MEIS2: variants seen among roughly 807,000 people sequenced by gnomAD.
The protein encoded by MEIS2 is Meis homeobox 2.
MEIS2 carries 9 observed loss-of-function variants against 58.6 expected under a neutral mutation model. The ratio of observed to expected loss-of-function variants is 0.15; its 90% CI spans 0.09 to 0.27. The LOEUF (loss-of-function observed/expected upper bound fraction) is 0.27, where lower values mean the gene tolerates loss of function less well. MEIS2 is among the 10% of genes least tolerant of loss of function. The pLI is 1.00. For missense variants in MEIS2, 427 were observed against 635.0 expected (o/e 0.67, Z 3.52); for synonymous variants, 221 against 228.4 (o/e 0.97, Z 0.29).
rs760285865 is a variant in MEIS2 at position 37,098,233 on chromosome 15, G to A, written c.13-34C>T. 3 of 1,546,720 alleles carry A rather than the reference G, an allele frequency of 1.9e-6. No homozygotes were observed. The African/African-American group carries it at 4.1e-5, about 21-fold the overall frequency. ...ACCCGGGAAGGGGGAGGGGGCGCAGGAGGTGAGGGAGAACAGAGGAGGGGG... is the reference window on the plus strand; with the variant it reads ...ACCCGGGAAGGGGGAGGGGGCGCAGAAGGTGAGGGAGAACAGAGGAGGGGG... On this transcript the variant is annotated intron_variant, in intron 1 of 11. Coordinates refer to ENST00000561208, the MANE Select transcript of MEIS2 (RefSeq NM_170675.5).
At chr15:36,955,567 T>C (rs935934009) in intron 8 of MEIS2, among the ~76,000 whole-genome samples, 5 of 152,186 alleles carry the variant, frequency 3.3e-5, no homozygotes, top group African/African-American at 1.2e-4. Flanking sequence ...AAGATATACA[T>C]GGGATATAAA....
intron 9 of MEIS2, among the ~76,000 whole-genome samples, chr15:36,912,831 GAA>G (rs76421752): frequency 9.9e-5 from 10 of 100,956 alleles, no homozygotes; most frequent in African/African-American, 2.9e-4. Flanking sequence ...CCCCACTCCT[GAA>G]AAAAAAAAAA....
chr15:37,053,510 C>T (rs777060746), intron 7 of MEIS2, among the ~76,000 whole-genome samples: 7 of 152,120 alleles, frequency 4.6e-5, no homozygotes, highest in Non-Finnish European at 8.8e-5. Context: ...TTACCTTATG[C>T]ACATCTACTG....
At chr15:36,927,605 C>G (rs540076631) in intron 9 of MEIS2, among the ~76,000 whole-genome samples, 1 of 150,990 alleles carries the variant, frequency 6.6e-6, no homozygotes, top group Non-Finnish European at 1.5e-5. Flanking sequence ...AGCATCTTGA[C>G]GTTAACACCT....
At chr15:37,050,968 CA>C (rs1567228809) in intron 7 of MEIS2, 1 of 152,166 alleles carries the variant, frequency 6.6e-6, no homozygotes, top group East Asian at 1.9e-4. Flanking sequence ...TGACCTCAGT[CA>C]AAAGATTAAC....
rs188052480 is a variant in MEIS2, at chr15:37,032,733, T to G, written c.900+4081A>C. Among the ~76,000 whole-genome samples the G allele has an allele frequency of 1.4e-4, 21 of 152,300 alleles. No individual in the cohort carries two copies. In the East Asian group the frequency reaches 4.1e-3, roughly 29 times the overall value. On this transcript the variant is annotated intron_variant, in intron 8 of 11. Coordinates refer to ENST00000561208, the MANE Select transcript of MEIS2 (RefSeq NM_170675.5). ...TTCTAAAAATATATAGATAGATTTA[T>G]TCTGTTAAAATTATTGTGAATTTTT...
At chr15:36,977,158 A>G (rs1167266448) in intron 8 of MEIS2, among the ~76,000 whole-genome samples, 1 of 146,380 alleles carries the variant, frequency 6.8e-6, no homozygotes, top group African/African-American at 2.6e-5. Flanking sequence ...CAAAAAATTC[A>G]GGGGAGGTGT....
At chr15:37,038,260 A>T (rs1350024630) in intron 7 of MEIS2, among the ~76,000 whole-genome samples, 1 of 152,218 alleles carries the variant, frequency 6.6e-6, no homozygotes, top group Non-Finnish European at 1.5e-5. Context: ...GAGGAATACT[A>T]GAGATCCATC....
chr15:36,899,059 A>G (rs1252141546), intron 9 of MEIS2, among the ~76,000 whole-genome samples: 1 of 152,232 alleles, frequency 6.6e-6, no homozygotes, highest in Admixed American at 6.5e-5. Context: ...AAAGGGTCAC[A>G]GAGATTTTGC....
At chr15:37,071,156 T>A (rs945456615) in intron 7 of MEIS2, among the ~76,000 whole-genome samples, 1 of 152,108 alleles carries the variant, frequency 6.6e-6, no homozygotes, top group African/African-American at 2.4e-5. Flanking sequence ...AAAAAATAAT[T>A]ATTATTGAAG....
chr15:37,098,217 G>A lies in MEIS2; in HGVS notation c.13-18C>T, dbSNP rs768829151. The A allele has an allele frequency of 3.8e-6, 6 of 1,571,048 alleles. No individual in the cohort carries two copies. Among genetic ancestry groups the A allele is most frequent in the South Asian group, 3.5e-5 (3 of 85,280 alleles). Reference sequence around the variant, plus strand: ...TCATCGTACTGTCAGAACCCGGGAAGGGGGAGGGGGCGCAGGAGGTGAGGG... The same window carrying A: ...TCATCGTACTGTCAGAACCCGGGAAAGGGGAGGGGGCGCAGGAGGTGAGGG... On this transcript the variant is annotated intron_variant, in intron 1 of 11. Coordinates refer to ENST00000561208, the MANE Select transcript of MEIS2 (RefSeq NM_170675.5).
rs1595850180 is a variant in MEIS2 at position 36,974,982 on chromosome 15, A to G, written c.901-24582T>C. 2.0e-5 allele frequency among the ~76,000 whole-genome samples: 3 copies of G among 152,206 alleles called. No individual in the cohort carries two copies. In the East Asian group the frequency reaches 5.8e-4, roughly 29 times the overall value. ...ATATCAAGAGATGGGAAATCCCTCC[A>G]TAGAAAACCTTATTATCAAGGCTAA... On this transcript the variant is annotated intron_variant, in intron 8 of 11. Coordinates refer to ENST00000561208, the MANE Select transcript of MEIS2 (RefSeq NM_170675.5).
chr15:36,931,699 T>C (rs1349571757), intron 9 of MEIS2, among the ~76,000 whole-genome samples: 1 of 152,132 alleles, frequency 6.6e-6, no homozygotes, highest in African/African-American at 2.4e-5. Context: ...TAACGACAAA[T>C]TAGCAATCCC....
intron 9 of MEIS2, among the ~76,000 whole-genome samples, chr15:36,918,198 C>T (rs2057359029): frequency 6.6e-6 from 1 of 152,166 alleles, no homozygotes; most frequent in Admixed American, 6.5e-5. Flanking sequence ...AGAAACAAGA[C>T]ATACAGCCCT....
rs78514234 is a variant in MEIS2 at position 37,060,415 on chromosome 15, G to A, written c.754+23356C>T. ...CTTTTCTTAGGGTAGGTATTTCAGT[G>A]TTCTACAAACCGTATCATGGAGTGT... On this transcript the variant is annotated intron_variant, in intron 7 of 11. Transcript: ENST00000561208. Among the ~76,000 whole-genome samples, 509 of 152,262 alleles carry A rather than the reference G, an allele frequency of 3.3e-3. 1 individual carries two copies. The highest frequency in any genetic ancestry group is 0.012 in the African/African-American group (488 of 41,544).
chr15:36,902,515 A>C (rs2056530962), intron 9 of MEIS2, among the ~76,000 whole-genome samples: 1 of 152,236 alleles, frequency 6.6e-6, no homozygotes. Context: ...CAGTAGCAAC[A>C]TCACCTTGAG....
At chr15:37,023,088 G>T (rs1395139501) in intron 8 of MEIS2, among the ~76,000 whole-genome samples, 2 of 151,978 alleles carry the variant, frequency 1.3e-5, no homozygotes, top group Non-Finnish European at 2.9e-5. Flanking sequence ...TGTTTTCTTG[G>T]CATTCAAAAG....
intron 9 of MEIS2, among the ~76,000 whole-genome samples, chr15:36,931,580 T>G (rs1383424690): frequency 6.6e-6 from 1 of 152,190 alleles, no homozygotes; most frequent in Admixed American, 6.5e-5. Flanking sequence ...CCCTGTGACA[T>G]TGTTGCACAT....
chr15:37,009,051 A>G (rs1379344784), intron 8 of MEIS2, among the ~76,000 whole-genome samples: 2 of 152,198 alleles, frequency 1.3e-5, no homozygotes, highest in African/African-American at 2.4e-5. Context: ...GCACTTTGGG[A>G]GGCCGAGGCG....
Sources: allele counts gnomAD v4.1 joint callset (sites outside exome capture counted in the v4.1 genomes callset), GRCh38; gene constraint gnomAD v4.1.1; transcripts MANE v1.5; gene names NCBI Gene and HGNC (gene_info 2026-07-23, HGNC 2026-07-21).